Variants in HOOK2 observed in about 807,000 individuals in gnomAD.
The protein encoded by HOOK2 is protein Hook homolog 2.
A neutral mutation model predicts 111.9 loss-of-function variants in HOOK2; 108 were observed. The ratio of observed to expected loss-of-function variants is 0.96; its 90% confidence interval spans 0.83 to 1.13. HOOK2 has a LOEUF of 1.13. Ranked by LOEUF, HOOK2 falls within the 50% of genes most tolerant of loss-of-function variation. The pLI, the probability that HOOK2 is intolerant of heterozygous loss-of-function variation, is 0.00. For synonymous variants in HOOK2, 405 were observed against 394.3 expected (o/e 1.03, Z -0.32); for missense variants, 978 against 951.3 (o/e 1.03, Z -0.37).
upstream of HOOK2, among the ~76,000 whole-genome samples, chr19:12,777,773 G>A (rs1466227485): frequency 1.3e-5 from 2 of 152,252 alleles, no homozygotes; most frequent in Non-Finnish European, 2.9e-5. Flanking sequence ...CGGCCTAGGG[G>A]GAAGACTGTG....
At chr19:12,779,851 C>G (rs115793112), upstream of HOOK2, among the ~76,000 whole-genome samples, 1 of 152,124 alleles carries the variant, frequency 6.6e-6, no homozygotes. Flanking sequence ...CATCCTTGTC[C>G]GTAACATCCA....
chr19:12,772,974 A>T lies in HOOK2; in HGVS notation c.255+20T>A, dbSNP rs1312273525. 6.2e-7 allele frequency: 1 copy of T among 1,614,144 alleles called. No individual in the cohort carries two copies. Among genetic ancestry groups the T allele is most frequent in the Admixed American group, 1.7e-5 (1 of 60,016 alleles). On this transcript the variant is annotated intron_variant, in intron 4 of 22. Transcript: ENST00000397668. ...CCCTTCTCCCAACTCAACCCCCTGA[A>T]TCCCTTTACAGTTACTCACATCCTG...
intron 3 of HOOK2, among the ~76,000 whole-genome samples, chr19:12,783,664 A>C (rs2145796459): frequency 6.6e-6 from 1 of 152,158 alleles, no homozygotes; most frequent in Middle Eastern, 3.4e-3. Flanking sequence ...CCTGGACCTC[A>C]GTTTCCCCAT....
chr19:12,770,846 A>C, intron 10 of HOOK2, 86 bp downstream of exon 10: 23 of 1,480,490 alleles, frequency 1.6e-5, no homozygotes, highest in African/African-American at 2.8e-5. Flanking sequence ...TGAAAATTAC[A>C]GAGCTGCTAT....
chr19:12,783,974 C>T (rs143806325), intron 3 of HOOK2, among the ~76,000 whole-genome samples: 2,883 of 151,956 alleles, frequency 0.019, 83 homozygotes, highest in African/African-American at 0.066. Flanking sequence ...GTCACCTCCC[C>T]GCCCCCCACC....
In HOOK2 at chr19:12,763,134, C is replaced by A; in HGVS notation, c.*148G>T. The A allele has an allele frequency of 1.6e-5, 9 of 577,212 alleles. No individual in the cohort carries two copies. The highest frequency in any genetic ancestry group is 2.4e-5 in the Non-Finnish European group (8 of 334,698). The allele number at this position is 577,212 out of a possible 1,614,324, so 35.8% of individuals were successfully genotyped here. On this transcript the variant is annotated 3_prime_UTR_variant, in exon 23 of 23. Coordinates refer to ENST00000397668, the MANE Select transcript of HOOK2 (RefSeq NM_013312.3). ...AACAGGCCTATATCTACCTCCCGCC[C>A]TCCCTCCCCACCAATCTGGGAGAGG...
intron 3 of HOOK2, 157 bp downstream of exon 3, chr19:12,774,512 C>T: frequency 1.4e-6 from 1 of 722,946 alleles, no homozygotes; most frequent in Non-Finnish European, 2.4e-6. Context: ...CCAGGCCTGG[C>T]ACAGGGTGAG....
At chr19:12,788,254 T>C (rs1199240738) in intron 3 of HOOK2, among the ~76,000 whole-genome samples, 1 of 152,098 alleles carries the variant, frequency 6.6e-6, no homozygotes, top group East Asian at 1.9e-4. Context: ...AGTTCCTTAA[T>C]CTCCTGTGGC....
intron 3 of HOOK2, chr19:12,792,252 G>T (rs1968728653): frequency 1.3e-6 from 2 of 1,501,564 alleles, no homozygotes; most frequent in East Asian, 2.5e-5. Context: ...GTCCCTGGGC[G>T]CTACCGGGGG....
chr19:12,772,694 TGGG>T lies in HOOK2; in HGVS notation c.389-17_389-15del. ...TCTGGATGTGGTCTGGGGATCAAGG[TGGG>T]GGAGGCTGAGACCCAGGGGTGAGGT... On this transcript the variant is annotated splice_polypyrimidine_tract_variant and intron_variant, in intron 5 of 22. Coordinates refer to ENST00000397668, the MANE Select transcript of HOOK2 (RefSeq NM_013312.3). The T allele has an allele frequency of 6.2e-7, 1 of 1,614,098 alleles. No individual in the cohort carries two copies.
At chr19:12,784,295 C>T (rs536343082) in intron 3 of HOOK2, among the ~76,000 whole-genome samples, 8 of 152,180 alleles carry the variant, frequency 5.3e-5, no homozygotes, top group African/African-American at 1.9e-4. Context: ...CCCCTGTCAC[C>T]TTGGCCACAG....
chr19:12,789,764 C>T (rs1968688200), intron 3 of HOOK2, among the ~76,000 whole-genome samples: 2 of 151,544 alleles, frequency 1.3e-5, no homozygotes, highest in East Asian at 3.9e-4. Flanking sequence ...AGGACGCAGC[C>T]CCAAAGCGGC....
At chr19:12,776,980 A>AC (rs1465192568), upstream of HOOK2, among the ~76,000 whole-genome samples, 1 of 150,988 alleles carries the variant, frequency 6.6e-6, no homozygotes, top group African/African-American at 2.4e-5. Flanking sequence ...ACACGGTGAA[A>AC]CCCCTTCTCT....
At position 12,786,256 on chromosome 19, in the gene HOOK2, T is replaced by G. The variant is rs913115420; in HGVS notation, n.42-12031A>C. Reference sequence around the variant, plus strand: ...CACGGGAGGGAGGCTGGGTGCTGTGTGCTGCGATTTGTGGGTTCTCGCCCT... The same window carrying G: ...CACGGGAGGGAGGCTGGGTGCTGTGGGCTGCGATTTGTGGGTTCTCGCCCT... On this transcript the variant is annotated intron_variant and non_coding_transcript_variant, in intron 3 of 3. Coordinates refer to the HOOK2 transcript ENST00000589765. The surrounding 1 kb of genome is among the most constrained non-coding windows in gnomAD (Gnocchi z 4.3). Among the ~76,000 whole-genome samples, 5 of 152,044 alleles carry G rather than the reference T, an allele frequency of 3.3e-5. No homozygotes were observed. Among genetic ancestry groups the G allele is most frequent in the Non-Finnish European group, 4.4e-5 (3 of 67,988 alleles).
At position 12,790,680 on chromosome 19, in the gene HOOK2, G is replaced by A. The variant is rs1968704051; in HGVS notation, n.42-16455C>T. On this transcript the variant is annotated intron_variant and non_coding_transcript_variant, in intron 3 of 3. Coordinates refer to the HOOK2 transcript ENST00000589765. The surrounding 1 kb of genome is among the most constrained non-coding windows in gnomAD (Gnocchi z 7.2). ...CTCTCCTTCATCCGGGCTAGCAGAT[G>A]ACCCCAGTGGTCCCCAATTTCTGGC... 1.4e-5 allele frequency among the ~76,000 whole-genome samples: 2 copies of A among 147,494 alleles called. No homozygotes were observed. Among genetic ancestry groups the A allele is most frequent in the South Asian group, 4.1e-4 (2 of 4,828 alleles).
upstream of HOOK2, among the ~76,000 whole-genome samples, chr19:12,783,161 C>T (rs547095947): frequency 4.6e-5 from 7 of 152,132 alleles, no homozygotes; most frequent in Admixed American, 2.6e-4. Flanking sequence ...TGACTCAGGC[C>T]CCTGGGGAGG....
upstream of HOOK2, among the ~76,000 whole-genome samples, chr19:12,781,480 C>T (rs189690657): frequency 6.6e-6 from 1 of 151,392 alleles, no homozygotes. Flanking sequence ...GCGCCCGCCA[C>T]TACGCCTGGC....
At position 12,772,567 on chromosome 19, in the gene HOOK2, C is replaced by T. The variant is rs764238014; in HGVS notation, c.456+46G>A. ...CAGTTCTCTCTGCCCTAGAGATGTC[C>T]CCTCTCCTGACATTTTCCAATTGCA... On this transcript the variant is annotated intron_variant, in intron 6 of 22. Coordinates refer to ENST00000397668, the MANE Select transcript of HOOK2 (RefSeq NM_013312.3). 21 of 1,596,666 alleles carry T rather than the reference C, an allele frequency of 1.3e-5. No homozygotes were observed. In the South Asian group the frequency reaches 1.9e-4, roughly 14 times the overall value.
intron 3 of HOOK2, among the ~76,000 whole-genome samples, chr19:12,783,859 CCAGA>C (rs1207956326): frequency 6.6e-6 from 1 of 152,200 alleles, no homozygotes; most frequent in Non-Finnish European, 1.5e-5. Flanking sequence ...CATGCCCCAC[CCAGA>C]CACTCTAAGG....
Sources: allele counts gnomAD v4.1 joint callset (sites outside exome capture counted in the v4.1 genomes callset), GRCh38; gene constraint gnomAD v4.1.1; non-coding constraint Gnocchi (gnomAD v3.1); transcripts MANE v1.5; gene names NCBI Gene and HGNC (gene_info 2026-07-23, HGNC 2026-07-21).